The following CDH12 variants were observed in gnomAD, a reference collection of about 807,000 sequenced individuals.
CDH12 encodes the protein cadherin 12.
Under a neutral mutation model 74.1 loss-of-function variants are expected in CDH12, and 41 were observed. The observed-to-expected ratio is 0.55, with a 90% CI of 0.43 to 0.72. CDH12 has a LOEUF of 0.72. Ranked by LOEUF, CDH12 falls within the 30% of genes least tolerant of loss-of-function variation. The pLI is 0.00. For missense variants in CDH12, 945 were observed against 977.2 expected (o/e 0.97, Z 0.44); for synonymous variants, 399 against 355.0 (o/e 1.12, Z -1.39).
At chr5:22,286,390 G>A (rs1561283901) in intron 3 of CDH12, among the ~76,000 whole-genome samples, 1 of 152,106 alleles carries the variant, frequency 6.6e-6, no homozygotes, top group African/African-American at 2.4e-5. Context: ...TAAAGTAGAT[G>A]GGCCATCCTT....
intron 3 of CDH12, among the ~76,000 whole-genome samples, chr5:22,330,237 C>CCTAG (rs1423425939): frequency 6.6e-6 from 1 of 152,064 alleles, no homozygotes; most frequent in Non-Finnish European, 1.5e-5. Context: ...GGATGACATT[C>CCTAG]CTAGACACAG....
Position 22,044,173 on chromosome 5 carries a change from G to A in CDH12, c.231+34273C>T, listed in dbSNP as rs562968961. Among the ~76,000 whole-genome samples, 6 of 152,178 alleles carry A rather than the reference G, an allele frequency of 3.9e-5. No homozygotes were observed. In the East Asian group the frequency reaches 1.2e-3, roughly 29 times the overall value. ...ACAAGCTGTAGTCATCATACTTCCTGACTTTAAAATATACTACAAAGCTAT... is the reference window on the plus strand; with the variant it reads ...ACAAGCTGTAGTCATCATACTTCCTAACTTTAAAATATACTACAAAGCTAT... On this transcript the variant is annotated intron_variant, in intron 5 of 14. Transcript: ENST00000382254.
At chr5:22,478,814 T>C (rs1393001291) in intron 2 of CDH12, among the ~76,000 whole-genome samples, 1 of 152,192 alleles carries the variant, frequency 6.6e-6, no homozygotes, top group Admixed American at 6.5e-5. Context: ...ATTTTTTTGT[T>C]TGCCTTTCCT....
At chr5:22,596,985 T>G (rs1039114953) in intron 1 of CDH12, among the ~76,000 whole-genome samples, 1 of 152,174 alleles carries the variant, frequency 6.6e-6, no homozygotes, top group Non-Finnish European at 1.5e-5. Flanking sequence ...GGGCCTCTAT[T>G]TTTACCAATT....
chr5:22,145,636 G>C (rs1040658637), intron 4 of CDH12, among the ~76,000 whole-genome samples: 1 of 152,074 alleles, frequency 6.6e-6, no homozygotes, highest in African/African-American at 2.4e-5. Flanking sequence ...AAGGAAGAAA[G>C]CAAGGCTAAC....
intron 6 of CDH12, among the ~76,000 whole-genome samples, chr5:21,904,372 T>C (rs6452028): frequency 0.97 from 147,508 of 152,230 alleles, 71,614 homozygotes; most frequent in Non-Finnish European, 1. Flanking sequence ...GGAATAATAA[T>C]GGGATGATTA....
chr5:21,929,190 A>G (rs1754725196), intron 6 of CDH12, among the ~76,000 whole-genome samples: 1 of 152,208 alleles, frequency 6.6e-6, no homozygotes, highest in African/African-American at 2.4e-5. Flanking sequence ...ATGGAAGACA[A>G]TTCTTCCATG....
intron 3 of CDH12, among the ~76,000 whole-genome samples, chr5:22,392,035 T>C (rs1274462328): frequency 2.6e-5 from 4 of 152,160 alleles, no homozygotes; most frequent in African/African-American, 4.8e-5. Flanking sequence ...GAAAACTTGT[T>C]CTTTACTTCT....
intron 3 of CDH12, among the ~76,000 whole-genome samples, chr5:22,326,228 AT>A (rs111680651): frequency 0.44 from 66,205 of 148,946 alleles, 14,548 homozygotes; most frequent in South Asian, 0.5. Context: ...CCAGTTGGCT[AT>A]TTTTTTTTTT....
chr5:22,208,384 C>A (rs1404639830), intron 4 of CDH12, among the ~76,000 whole-genome samples: 1 of 152,178 alleles, frequency 6.6e-6, no homozygotes, highest in African/African-American at 2.4e-5. Flanking sequence ...GAGAAGCACT[C>A]TTTTCTTCTT....
chr5:21,917,070 C>A (rs976791253), intron 6 of CDH12, among the ~76,000 whole-genome samples: 1 of 152,166 alleles, frequency 6.6e-6, no homozygotes, highest in Admixed American at 6.5e-5. Context: ...CTCTAGGCCC[C>A]CTTTTCTGGT....
chr5:22,697,038 A>C (rs573924455), intron 1 of CDH12, among the ~76,000 whole-genome samples: 1 of 152,268 alleles, frequency 6.6e-6, no homozygotes, highest in African/African-American at 2.4e-5. Flanking sequence ...CTGGACCATA[A>C]GTTCTGAGCC....
chr5:22,500,979 G>T (rs1377350178), intron 2 of CDH12, among the ~76,000 whole-genome samples: 5 of 151,444 alleles, frequency 3.3e-5, no homozygotes, highest in African/African-American at 1.2e-4. Flanking sequence ...CTGTACTAAG[G>T]GCATTTTAAG....
At chr5:22,472,303 G>C (rs1348377377) in intron 2 of CDH12, among the ~76,000 whole-genome samples, 2 of 152,074 alleles carry the variant, frequency 1.3e-5, no homozygotes, top group African/African-American at 4.8e-5. Context: ...GTTTTTGCTA[G>C]CTGCCATTCA....
At chr5:22,635,021 A>G (rs1738768491) in intron 1 of CDH12, among the ~76,000 whole-genome samples, 1 of 151,912 alleles carries the variant, frequency 6.6e-6, no homozygotes, top group Non-Finnish European at 1.5e-5. Flanking sequence ...CACATAATGC[A>G]AGGAACTTAG....
chr5:22,467,933 T>G (rs1745800667), intron 2 of CDH12, among the ~76,000 whole-genome samples: 1 of 152,242 alleles, frequency 6.6e-6, no homozygotes, highest in Non-Finnish European at 1.5e-5. Context: ...CATAAGATTC[T>G]TAATGCTTTG....
chr5:22,062,772 G>A (rs1741278541), intron 5 of CDH12, among the ~76,000 whole-genome samples: 1 of 152,072 alleles, frequency 6.6e-6, no homozygotes, highest in Admixed American at 6.6e-5. Context: ...AAATAAGAGT[G>A]TTCCCATTTC....
chr5:22,784,077 A>G (rs372743138), intron 1 of CDH12, among the ~76,000 whole-genome samples: 1 of 152,230 alleles, frequency 6.6e-6, no homozygotes, highest in East Asian at 1.9e-4. Context: ...TAAAGAATTA[A>G]ACATTTGTAT....
At chr5:22,290,847 AC>A (rs1737355502) in intron 3 of CDH12, among the ~76,000 whole-genome samples, 1 of 152,140 alleles carries the variant, frequency 6.6e-6, no homozygotes. Context: ...GAGTAAGGAA[AC>A]TAAAGCGGTA....
Sources: allele counts gnomAD v4.1 joint callset (sites outside exome capture counted in the v4.1 genomes callset), GRCh38; gene constraint gnomAD v4.1.1; transcripts MANE v1.5; gene names NCBI Gene and HGNC (gene_info 2026-07-23, HGNC 2026-07-21).